FAF1: variants seen among roughly 807,000 people sequenced by gnomAD.
FAF1 encodes Fas associated factor 1.
A neutral mutation model predicts 92.5 loss-of-function variants in FAF1; 25 were observed. That is an observed-to-expected ratio of 0.27 (90% CI 0.20 to 0.38). The LOEUF (loss-of-function observed/expected upper bound fraction) is 0.38. FAF1 is among the 10% of genes least tolerant of loss of function. The pLI, the probability that FAF1 is intolerant of heterozygous loss-of-function variation, is 1.00. For missense variants in FAF1, 636 were observed against 793.3 expected (o/e 0.80, Z 2.38); for synonymous variants, 234 against 273.2 (o/e 0.86, Z 1.42).
At chr1:50,593,607 A>T (rs1050163552) in intron 9 of FAF1, among the ~76,000 whole-genome samples, 2 of 151,482 alleles carry the variant, frequency 1.3e-5, no homozygotes, top group East Asian at 1.9e-4. Flanking sequence ...AAAGTGCTTT[A>T]AAAAAAAATG....
rs1646829731 is a variant in FAF1 at position 50,490,749 on chromosome 1, AAAG to A, written c.1576-87_1576-85del. ...GAGAAATAAGGAAAGAGAAAAAAGA[AAAG>A]AGGAAAGAAAGAGTATGTGACATTC... On this transcript the variant is annotated intron_variant, in intron 16 of 18. Transcript: ENST00000396153. 43 of 893,340 alleles carry A rather than the reference AAAG, an allele frequency of 4.8e-5. No homozygotes were observed. In the South Asian group the frequency reaches 5.7e-4, roughly 12 times the overall value. 55.3% of individuals were successfully genotyped at this position (893,340 alleles called of 1,614,324 possible).
At chr1:50,675,167 G>T (rs539912258) in intron 7 of FAF1, among the ~76,000 whole-genome samples, 64 of 152,346 alleles carry the variant, frequency 4.2e-4, no homozygotes, top group African/African-American at 1.3e-3. Context: ...TGGGATTACA[G>T]GCGTGAGCCA....
chr1:50,797,158 TGA>T (rs1661784447), intron 3 of FAF1, among the ~76,000 whole-genome samples: 1 of 151,786 alleles, frequency 6.6e-6, no homozygotes, highest in Non-Finnish European at 1.5e-5. Context: ...TCCAAAAAAA[TGA>T]GAGGAAGAGA....
intron 6 of FAF1, among the ~76,000 whole-genome samples, chr1:50,706,427 C>A (rs1291532823): frequency 6.6e-6 from 1 of 152,104 alleles, no homozygotes; most frequent in Admixed American, 6.5e-5. Context: ...CTCAGTAATA[C>A]ACAGAATTTA....
chr1:50,505,590 G>C (rs570421125), intron 15 of FAF1, among the ~76,000 whole-genome samples: 1 of 152,312 alleles, frequency 6.6e-6, no homozygotes, highest in Non-Finnish European at 1.5e-5. Flanking sequence ...AGTAAACTAT[G>C]TATGGTCTTT....
chr1:50,736,752 C>CA (rs1405240511), intron 6 of FAF1, among the ~76,000 whole-genome samples: 3 of 141,092 alleles, frequency 2.1e-5, no homozygotes, highest in African/African-American at 5.3e-5. Context: ...ACTCCGTCTC[C>CA]AAAAAAAGAA....
intron 2 of FAF1, among the ~76,000 whole-genome samples, chr1:50,857,099 T>G (rs1025145470): frequency 2.0e-5 from 3 of 151,826 alleles, no homozygotes; most frequent in South Asian, 2.1e-4. Context: ...ACATTAAGCA[T>G]CATTACTTTT....
In FAF1 at chr1:50,452,220, A is replaced by G. The variant is rs576916588; in HGVS notation, c.1870-10697T>C. On this transcript the variant is annotated intron_variant, in intron 18 of 18. Transcript: ENST00000396153. ...TGGAAGACATAATTTCAAGCAAATA[A>G]AAGAAAGTCCCGCTTTACAGAACAA... 10 of 1,219,986 alleles carry G rather than the reference A, an allele frequency of 8.2e-6. No homozygotes were observed. The South Asian group carries it at 1.3e-4, about 15-fold the overall frequency. 75.6% of individuals were successfully genotyped at this position (1,219,986 alleles called of 1,614,324 possible).
intron 13 of FAF1, among the ~76,000 whole-genome samples, chr1:50,547,703 C>T (rs773845890): frequency 3.3e-4 from 50 of 152,248 alleles, no homozygotes; most frequent in South Asian, 8.3e-4. Flanking sequence ...CGTGAGCCAC[C>T]GCGCCCGGCA....
At chr1:50,555,363 G>C (rs75013786) in intron 13 of FAF1, among the ~76,000 whole-genome samples, 1 of 151,670 alleles carries the variant, frequency 6.6e-6, no homozygotes, top group Non-Finnish European at 1.5e-5. Context: ...AAATACATCC[G>C]ACAAAGGATT....
intron 1 of FAF1, among the ~76,000 whole-genome samples, chr1:50,895,819 A>G (rs898299057): frequency 6.6e-6 from 1 of 152,204 alleles, no homozygotes; most frequent in African/African-American, 2.4e-5. Flanking sequence ...GATACTGAAA[A>G]AGCATTTGAT....
chr1:50,897,280 C>T (rs1460596471), intron 1 of FAF1, among the ~76,000 whole-genome samples: 1 of 152,210 alleles, frequency 6.6e-6, no homozygotes, highest in Non-Finnish European at 1.5e-5. Context: ...TAGTGTCAAA[C>T]TTTCACCATT....
intron 7 of FAF1, among the ~76,000 whole-genome samples, chr1:50,696,624 C>T (rs952139172): frequency 6.6e-6 from 1 of 152,130 alleles, no homozygotes; most frequent in Admixed American, 6.6e-5. Context: ...TACCATATAT[C>T]TCTGGATACT....
chr1:50,913,655 T>A (rs1220555722), intron 1 of FAF1, among the ~76,000 whole-genome samples: 1 of 152,190 alleles, frequency 6.6e-6, no homozygotes, highest in Non-Finnish European at 1.5e-5. Context: ...AATGAGTTTC[T>A]AACAGAAGTA....
intron 13 of FAF1, among the ~76,000 whole-genome samples, chr1:50,562,695 G>C (rs1350829278): frequency 2.0e-5 from 3 of 152,130 alleles, no homozygotes; most frequent in Non-Finnish European, 4.4e-5. Context: ...TCTTATGTCT[G>C]TTTTGCCTAC....
At chr1:50,557,555 G>T (rs1649648747) in intron 13 of FAF1, among the ~76,000 whole-genome samples, 2 of 152,162 alleles carry the variant, frequency 1.3e-5, no homozygotes, top group Admixed American at 1.3e-4. Context: ...AGAACATTAA[G>T]ATTGTTGGGC....
At chr1:50,698,145 T>C (rs933324793) in intron 7 of FAF1, among the ~76,000 whole-genome samples, 1 of 151,612 alleles carries the variant, frequency 6.6e-6, no homozygotes, top group Non-Finnish European at 1.5e-5. Context: ...GTTTAATTTC[T>C]TGTGTGTGTG....
chr1:50,677,116 T>C (rs1386201948), intron 7 of FAF1, among the ~76,000 whole-genome samples: 7 of 152,202 alleles, frequency 4.6e-5, no homozygotes, highest in Non-Finnish European at 1.0e-4. Flanking sequence ...ATAATATTAT[T>C]AAGATAAACC....
intron 2 of FAF1, among the ~76,000 whole-genome samples, chr1:50,802,817 C>T (rs368461682): frequency 1.7e-4 from 26 of 152,338 alleles, no homozygotes; most frequent in African/African-American, 5.5e-4. Context: ...ACAAAAAACA[C>T]CTACCAATTC....
Sources: gnomAD v4.1 joint callset for allele counts (sites outside exome capture counted in the v4.1 genomes callset) on GRCh38, gnomAD v4.1.1 for gene constraint, MANE v1.5 for transcripts, NCBI Gene and HGNC (gene_info 2026-07-23, HGNC 2026-07-21) for gene names.